TFB2M: variants seen among roughly 807,000 people sequenced by gnomAD.
TFB2M encodes transcription factor B2, mitochondrial.
In TFB2M, 44 loss-of-function variants were observed where a neutral mutation model predicts 41.3. The ratio of observed to expected loss-of-function variants is 1.07; its 90% CI spans 0.84 to 1.37. The LOEUF is 1.37. Ranked by LOEUF, TFB2M falls within the 40% of genes most tolerant of loss-of-function variation. The pLI, the probability that TFB2M is intolerant of heterozygous loss-of-function variation, is 0.00. For synonymous variants in TFB2M, 188 were observed against 176.8 expected, an observed-to-expected ratio of 1.06 and a Z score of -0.50; for missense variants, 496 against 490.2, an observed-to-expected ratio of 1.01 and a Z score of -0.11.
intron 7 of TFB2M, among the ~76,000 whole-genome samples, chr1:246,544,086 A>T (rs1246476124): frequency 6.6e-6 from 1 of 152,190 alleles, no homozygotes. Context: ...GTAAAAACAA[A>T]ATTTGATCCA....
At chr1:246,556,319 T>C (rs1156443520) in intron 4 of TFB2M, among the ~76,000 whole-genome samples, 1 of 152,132 alleles carries the variant, frequency 6.6e-6, no homozygotes, top group Non-Finnish European at 1.5e-5. Flanking sequence ...GTTTAATGAG[T>C]ACAGAGTTTT....
At chr1:246,565,332 G>A (rs1468739794) in intron 1 of TFB2M, among the ~76,000 whole-genome samples, 1 of 152,232 alleles carries the variant, frequency 6.6e-6, no homozygotes, top group Non-Finnish European at 1.5e-5. Flanking sequence ...AGTGCAAGCT[G>A]CTACAGAAAT....
In TFB2M at chr1:246,556,761, T is replaced by C. The variant is rs777619872; in HGVS notation, c.557-40A>G. The C allele has an allele frequency of 1.0e-5, 15 of 1,505,172 alleles. No individual in the cohort carries two copies. In the East Asian group the frequency reaches 1.0e-4, roughly 10 times the overall value. 93.2% of individuals were successfully genotyped at this position (1,505,172 alleles called of 1,614,324 possible). A position where few individuals can be genotyped will look rare whatever the true frequency, so the allele number is the denominator to read the frequency against. On this transcript the variant is annotated intron_variant, in intron 3 of 7. Transcript: ENST00000366514. The stretch of plus-strand genomic sequence containing the variant: ...AGCAAAAAGATTTGAATAAAGTTCT[T>C]AGCATTTTGTCCTATGTCCATATTT...
At chr1:246,563,092 G>A (rs1379409486) in intron 2 of TFB2M, among the ~76,000 whole-genome samples, 2 of 152,060 alleles carry the variant, frequency 1.3e-5, no homozygotes, top group East Asian at 1.9e-4. Context: ...ACCTTTCAAT[G>A]AAAACACAGC....
intron 5 of TFB2M, among the ~76,000 whole-genome samples, chr1:246,550,627 T>C (rs1659149423): frequency 6.6e-6 from 1 of 152,226 alleles, no homozygotes; most frequent in African/African-American, 2.4e-5. Context: ...CTCACGCCTG[T>C]AATCCCAGCA....
rs751580679 is a variant in TFB2M at position 246,565,821 on chromosome 1, C to T, written c.313+5G>A. On this transcript the variant is annotated splice_donor_5th_base_variant and intron_variant, in intron 1 of 7. Transcript: ENST00000366514. The stretch of plus-strand genomic sequence containing the variant: ...TCCAAGAAAATGCAATTCAGCTGGA[C>T]TCACCTGGATTGCACTCCAGCAGTA... 8 of 1,591,882 alleles carry T rather than the reference C, an allele frequency of 5.0e-6. No individual in the cohort carries two copies. The South Asian group carries it at 7.7e-5, about 15-fold the overall frequency.
intron 2 of TFB2M, among the ~76,000 whole-genome samples, chr1:246,559,177 G>A (rs1659394879): frequency 6.6e-6 from 1 of 151,986 alleles, no homozygotes. Context: ...TCCAACTCCT[G>A]GCCTTAAGTG....
intron 2 of TFB2M, 124 bp downstream of exon 2, chr1:246,564,222 T>C (rs1659529878): frequency 2.6e-6 from 2 of 759,292 alleles, no homozygotes; most frequent in Non-Finnish European, 4.3e-6. Flanking sequence ...ATAAACAAGA[T>C]ATTTCAGAGA....
At chr1:246,557,782 G>A (rs1352657800) in intron 2 of TFB2M, among the ~76,000 whole-genome samples, 4 of 151,460 alleles carry the variant, frequency 2.6e-5, no homozygotes, top group African/African-American at 4.9e-5. Flanking sequence ...AAGTGATCCT[G>A]TGCCAGCCTC....
intron 2 of TFB2M, among the ~76,000 whole-genome samples, chr1:246,561,360 ATT>A (rs1359993417): frequency 2.0e-5 from 3 of 152,356 alleles, no homozygotes; most frequent in East Asian, 1.9e-4. Flanking sequence ...CTTCAGAAAC[ATT>A]TTGTTATTGA....
intron 7 of TFB2M, among the ~76,000 whole-genome samples, chr1:246,542,893 TACC>T (rs1332516617): frequency 2.8e-5 from 4 of 141,322 alleles, no homozygotes; most frequent in Non-Finnish European, 4.5e-5. Flanking sequence ...ACTAGTCTAT[TACC>T]ACTTTTTTTT....
chr1:246,546,901 TTC>T (rs773194288), intron 6 of TFB2M, among the ~76,000 whole-genome samples: 6 of 151,866 alleles, frequency 4.0e-5, no homozygotes, highest in African/African-American at 1.2e-4. Flanking sequence ...CTAAAATAAA[TTC>T]TGTCATAAAA....
chr1:246,563,090 A>G (rs775609395), intron 2 of TFB2M, among the ~76,000 whole-genome samples: 5 of 152,162 alleles, frequency 3.3e-5, no homozygotes, highest in Non-Finnish European at 5.9e-5. Flanking sequence ...TAACCTTTCA[A>G]TGAAAACACA....
At chr1:246,556,474 C>T in intron 4 of TFB2M, 99 bp downstream of exon 4, 1 of 945,896 alleles carries the variant, frequency 1.1e-6, no homozygotes, top group Non-Finnish European at 1.5e-6. Context: ...CTTAGACCCT[C>T]AAATGTCACG....
rs1330687855 is a variant in TFB2M at position 246,564,335 on chromosome 1, T to G, written c.402+11A>C. 10 of 1,613,394 alleles carry G rather than the reference T, an allele frequency of 6.2e-6. No individual in the cohort carries two copies. Among genetic ancestry groups the G allele is most frequent in the Non-Finnish European group, 6.8e-6 (8 of 1,179,358 alleles). Reference sequence around the variant, plus strand: ...CAAACAATAACATACGTTGAGAAACTAAAAATATACCTCCAAATGTGGAAT... The same window carrying G: ...CAAACAATAACATACGTTGAGAAACGAAAAATATACCTCCAAATGTGGAAT... On this transcript the variant is annotated intron_variant, in intron 2 of 7. Transcript: ENST00000366514.
chr1:246,558,003 A>AT (rs1343152355), intron 2 of TFB2M, among the ~76,000 whole-genome samples: 1 of 152,078 alleles, frequency 6.6e-6, no homozygotes, highest in Non-Finnish European at 1.5e-5. Flanking sequence ...TTCTACCTCC[A>AT]TAACTATGTA....
intron 2 of TFB2M, among the ~76,000 whole-genome samples, chr1:246,563,084 CT>C (rs1206523873): frequency 2.0e-5 from 3 of 152,116 alleles, no homozygotes; most frequent in African/African-American, 7.2e-5. Flanking sequence ...GTACAGTAAC[CT>C]TTCAATGAAA....
At chr1:246,554,034 G>A (rs1056807531) in intron 4 of TFB2M, among the ~76,000 whole-genome samples, 1 of 152,136 alleles carries the variant, frequency 6.6e-6, no homozygotes, top group Non-Finnish European at 1.5e-5. Context: ...AGAAATAAAC[G>A]CGTACACATA....
intron 7 of TFB2M, among the ~76,000 whole-genome samples, chr1:246,543,609 TAC>T (rs1658918253): frequency 6.6e-6 from 1 of 152,056 alleles, no homozygotes; most frequent in Non-Finnish European, 1.5e-5. Flanking sequence ...CAGCACTACT[TAC>T]AGAGGTGTGT....
Sources: allele counts gnomAD v4.1 joint callset (sites outside exome capture counted in the v4.1 genomes callset), GRCh38; gene constraint gnomAD v4.1.1; transcripts MANE v1.5; gene names NCBI Gene and HGNC (gene_info 2026-07-23, HGNC 2026-07-21).